RAB7A: variants seen among roughly 807,000 people sequenced by gnomAD.
RAB7A encodes RAB7A, member RAS oncogene family, also known as ras-related protein Rab-7a.
RAB7A carries 2 observed loss-of-function variants against 24.5 expected under a neutral mutation model. The observed-to-expected ratio is 0.08, with a 90% CI of 0.03 to 0.26. The LOEUF (loss-of-function observed/expected upper bound fraction) is 0.26, where lower values mean the gene tolerates loss of function less well. Among genes scored for constraint, RAB7A ranks in the 10% least tolerant of loss-of-function variants. The pLI is 1.00. For missense variants in RAB7A, 118 were observed against 255.7 expected (o/e 0.46, Z 3.67); for synonymous variants, 100 against 95.9 (o/e 1.04, Z -0.25).
chr3:128,739,313 C>A (rs2070525703), intron 1 of RAB7A, among the ~76,000 whole-genome samples: 1 of 152,006 alleles, frequency 6.6e-6, no homozygotes, highest in Admixed American at 6.6e-5. Context: ...AGTTCAAGAC[C>A]ACCAGCCTGA....
At chr3:128,730,132 A>G (rs2070419890) in intron 1 of RAB7A, among the ~76,000 whole-genome samples, 1 of 152,128 alleles carries the variant, frequency 6.6e-6, no homozygotes, top group African/African-American at 2.4e-5. Context: ...CATTTTTGCA[A>G]TATGCTGATC....
At chr3:128,807,314 A>G (rs1430195225) in intron 4 of RAB7A, among the ~76,000 whole-genome samples, 1 of 152,198 alleles carries the variant, frequency 6.6e-6, no homozygotes, top group Non-Finnish European at 1.5e-5. Context: ...TATGAGCTGT[A>G]GACCGAGACA....
chr3:128,785,684 A>C (rs1042030463), intron 1 of RAB7A, among the ~76,000 whole-genome samples: 1 of 150,398 alleles, frequency 6.6e-6, no homozygotes, highest in African/African-American at 2.4e-5. Flanking sequence ...TGGAGGGGGA[A>C]GTTGCAGTGA....
intron 3 of RAB7A, among the ~76,000 whole-genome samples, chr3:128,800,108 C>T (rs757425810): frequency 1.3e-5 from 2 of 151,888 alleles, no homozygotes; most frequent in Non-Finnish European, 2.9e-5. Context: ...AGCAGTAAGC[C>T]GTAAGAGCTG....
At chr3:128,786,734 C>T (rs1215493124) in intron 1 of RAB7A, among the ~76,000 whole-genome samples, 1 of 152,086 alleles carries the variant, frequency 6.6e-6, no homozygotes, top group African/African-American at 2.4e-5. Context: ...AGACCATCAG[C>T]AGAATGAGAG....
intron 1 of RAB7A, among the ~76,000 whole-genome samples, chr3:128,742,697 C>T (rs1449437362): frequency 6.6e-6 from 1 of 152,112 alleles, no homozygotes; most frequent in Admixed American, 6.5e-5. Flanking sequence ...GAGCTAGATA[C>T]AGAGTGCTGA....
At chr3:128,734,689 A>G (rs2070473880) in intron 1 of RAB7A, among the ~76,000 whole-genome samples, 1 of 152,236 alleles carries the variant, frequency 6.6e-6, no homozygotes, top group Middle Eastern at 3.4e-3. Flanking sequence ...TTGAGCCCTT[A>G]GAATATCACA....
intron 1 of RAB7A, among the ~76,000 whole-genome samples, chr3:128,745,024 C>T (rs2070596827): frequency 6.6e-6 from 1 of 151,908 alleles, no homozygotes; most frequent in South Asian, 2.1e-4. Context: ...CAGGCATCCG[C>T]CACCACACCT....
chr3:128,807,050 T>C (rs1410439687), intron 4 of RAB7A, among the ~76,000 whole-genome samples: 1 of 152,260 alleles, frequency 6.6e-6, no homozygotes, highest in African/African-American at 2.4e-5. Flanking sequence ...CACAGATCTT[T>C]TCTTAAGTGA....
At chr3:128,792,228 G>A (rs1177104496) in intron 1 of RAB7A, among the ~76,000 whole-genome samples, 1 of 152,136 alleles carries the variant, frequency 6.6e-6, no homozygotes, top group Non-Finnish European at 1.5e-5. Context: ...GAGTCTGGAG[G>A]TTGAAGTGTA....
chr3:128,757,447 C>T (rs2070739387), intron 1 of RAB7A, among the ~76,000 whole-genome samples: 2 of 152,020 alleles, frequency 1.3e-5, no homozygotes, highest in African/African-American at 2.4e-5. Context: ...GCTAGAAGTA[C>T]AGGCGAGGCA....
chr3:128,800,864 A>C (rs1241222526), intron 3 of RAB7A, among the ~76,000 whole-genome samples: 1 of 151,918 alleles, frequency 6.6e-6, no homozygotes, highest in Non-Finnish European at 1.5e-5. Context: ...AAAAGATAAC[A>C]AGTTCCCAAG....
chr3:128,787,509 T>C (rs1933364653), intron 1 of RAB7A, among the ~76,000 whole-genome samples: 1 of 152,222 alleles, frequency 6.6e-6, no homozygotes, highest in South Asian at 2.1e-4. Context: ...GGACCTGGGC[T>C]GACACTCCTG....
intron 1 of RAB7A, among the ~76,000 whole-genome samples, chr3:128,773,065 G>A (rs1369252263): frequency 6.6e-6 from 1 of 152,056 alleles, no homozygotes; most frequent in Non-Finnish European, 1.5e-5. Context: ...TCTGGGATGC[G>A]AGGAGCCCCT....
intron 1 of RAB7A, among the ~76,000 whole-genome samples, chr3:128,729,530 G>C (rs886587679): frequency 2.7e-5 from 4 of 148,020 alleles, no homozygotes; most frequent in African/African-American, 1.0e-4. Context: ...AGATCATGCC[G>C]CTGCACTCCA....
chr3:128,752,880 A>G (rs1258950767), intron 1 of RAB7A, among the ~76,000 whole-genome samples: 4 of 152,038 alleles, frequency 2.6e-5, no homozygotes, highest in South Asian at 2.1e-4. Context: ...GCTTTTAAAC[A>G]TGTCATAATG....
At chr3:128,727,324 C>T (rs1012408411) in intron 1 of RAB7A, among the ~76,000 whole-genome samples, 3 of 152,144 alleles carry the variant, frequency 2.0e-5, no homozygotes, top group Non-Finnish European at 4.4e-5. Flanking sequence ...AGATGCAAGC[C>T]CAGGCAGTCA....
chr3:128,731,841 A>C (rs1333266688), intron 1 of RAB7A, among the ~76,000 whole-genome samples: 1 of 151,876 alleles, frequency 6.6e-6, no homozygotes, highest in Non-Finnish European at 1.5e-5. Context: ...CCCCGTCTAT[A>C]CTAAAAATAT....
chr3:128,739,057 A>G (rs1559779337), intron 1 of RAB7A, among the ~76,000 whole-genome samples: 3 of 152,180 alleles, frequency 2.0e-5, no homozygotes. Context: ...GCAACATCCT[A>G]ACTGGTTAGT....
Sources: gnomAD v4.1 joint callset for allele counts (sites outside exome capture counted in the v4.1 genomes callset) on GRCh38, gnomAD v4.1.1 for gene constraint, MANE v1.5 for transcripts, NCBI Gene and HGNC (gene_info 2026-07-23, HGNC 2026-07-21) for gene names.